Variants in ZZZ3 observed in about 807,000 individuals in gnomAD.
ZZZ3 encodes zinc finger ZZ-type containing 3.
ZZZ3 carries 22 observed loss-of-function variants against 95.2 expected under a neutral mutation model. The ratio of observed to expected loss-of-function variants is 0.23; its 90% confidence interval spans 0.17 to 0.33. ZZZ3 has a LOEUF of 0.33. Among genes scored for constraint, ZZZ3 ranks in the 10% least tolerant of loss-of-function variants. The probability of loss-of-function intolerance (pLI) is 1.00; values close to 1 mark genes in which losing one functional copy is unlikely to be tolerated. For synonymous variants in ZZZ3, 335 were observed against 358.9 expected (o/e 0.93, Z 0.75); for missense variants, 885 against 1,066.5 (o/e 0.83, Z 2.37).
intron 1 of ZZZ3, among the ~76,000 whole-genome samples, chr1:77,666,549 A>T (rs1013998998): frequency 6.6e-6 from 1 of 152,170 alleles, no homozygotes; most frequent in African/African-American, 2.4e-5. Context: ...AATAATAATA[A>T]TATAAATACT....
At position 77,581,904 on chromosome 1, in the gene ZZZ3, A is replaced by G; in HGVS notation, c.1793-13T>C. On this transcript the variant is annotated splice_polypyrimidine_tract_variant and intron_variant, in intron 7 of 14. Transcript: ENST00000370801. ...GCAGGTAAACCTACTGAAAAATAAG[A>G]CCACATACAGAACTGTTAAAGCAAA... 6.2e-7 allele frequency: 1 copy of G among 1,610,208 alleles called. No homozygotes were observed. The highest frequency in any genetic ancestry group is 8.5e-7 in the Non-Finnish European group (1 of 1,176,898).
intron 1 of ZZZ3, among the ~76,000 whole-genome samples, chr1:77,655,983 T>C (rs1477307834): frequency 1.3e-5 from 2 of 152,214 alleles, no homozygotes. Context: ...TATGTACTTA[T>C]CATTAAGACA....
intron 5 of ZZZ3, among the ~76,000 whole-genome samples, chr1:77,628,165 TAAGTA>T (rs1667487450): frequency 1.3e-5 from 2 of 152,298 alleles, no homozygotes; most frequent in South Asian, 4.1e-4. Context: ...CAATCACAGT[TAAGTA>T]AATAATCTCA....
chr1:77,666,345 C>A (rs748496915), intron 1 of ZZZ3, among the ~76,000 whole-genome samples: 1 of 152,104 alleles, frequency 6.6e-6, no homozygotes, highest in South Asian at 2.1e-4. Flanking sequence ...GCCTGTTCAC[C>A]AACACAGTGA....
intron 1 of ZZZ3, among the ~76,000 whole-genome samples, chr1:77,656,329 T>C (rs1670263545): frequency 6.6e-6 from 1 of 152,224 alleles, no homozygotes; most frequent in South Asian, 2.1e-4. Context: ...TTATTTAATG[T>C]CAATTTTTTT....
intron 5 of ZZZ3, among the ~76,000 whole-genome samples, chr1:77,603,619 C>T (rs915735844): frequency 9.9e-5 from 15 of 152,158 alleles, no homozygotes; most frequent in African/African-American, 3.1e-4. Context: ...ATCCGGGTGC[C>T]CATTTCCTGT....
intron 11 of ZZZ3, among the ~76,000 whole-genome samples, chr1:77,577,768 G>C (rs911967668): frequency 6.6e-6 from 1 of 152,162 alleles, no homozygotes. Flanking sequence ...CTGCAGGTGC[G>C]TGCCACCACA....
At chr1:77,630,936 A>T (rs143926385) in intron 5 of ZZZ3, among the ~76,000 whole-genome samples, 6 of 152,346 alleles carry the variant, frequency 3.9e-5, no homozygotes, top group Admixed American at 3.3e-4. Context: ...TCTGGTTGTG[A>T]TATTAATTCA....
chr1:77,599,386 A>G (rs1378465148), intron 5 of ZZZ3, among the ~76,000 whole-genome samples: 1 of 152,054 alleles, frequency 6.6e-6, no homozygotes, highest in African/African-American at 2.4e-5. Flanking sequence ...ATATGTAATC[A>G]TACTTATACT....
intron 1 of ZZZ3, among the ~76,000 whole-genome samples, chr1:77,668,252 C>T (rs1671428872): frequency 6.6e-6 from 1 of 152,124 alleles, no homozygotes; most frequent in African/African-American, 2.4e-5. Flanking sequence ...TTACCAGTTT[C>T]TTTTCTGAAC....
At chr1:77,585,930 A>C (rs1663039992) in intron 5 of ZZZ3, among the ~76,000 whole-genome samples, 1 of 152,186 alleles carries the variant, frequency 6.6e-6, no homozygotes, top group Non-Finnish European at 1.5e-5. Context: ...TCCTTGATGA[A>C]ATTTTTAATA....
At chr1:77,607,719 C>T (rs905491526) in intron 5 of ZZZ3, among the ~76,000 whole-genome samples, 31 of 152,048 alleles carry the variant, frequency 2.0e-4, no homozygotes, top group South Asian at 8.3e-4. Flanking sequence ...GTCAGGAGTT[C>T]GAGACCAGCC....
intron 11 of ZZZ3, among the ~76,000 whole-genome samples, chr1:77,577,961 A>T (rs1478952600): frequency 6.6e-6 from 1 of 152,170 alleles, no homozygotes; most frequent in Non-Finnish European, 1.5e-5. Flanking sequence ...TTGGGAAAGA[A>T]ACAGTAGCTT....
intron 5 of ZZZ3, among the ~76,000 whole-genome samples, chr1:77,626,732 G>T (rs1444964878): frequency 6.6e-6 from 1 of 152,144 alleles, no homozygotes; most frequent in Non-Finnish European, 1.5e-5. Context: ...CTTTTCTGGT[G>T]AGTTGAGAAG....
At chr1:77,577,095 G>T (rs1662036378) in intron 11 of ZZZ3, among the ~76,000 whole-genome samples, 1 of 152,172 alleles carries the variant, frequency 6.6e-6, no homozygotes, top group Non-Finnish European at 1.5e-5. Context: ...CAGCCTGCCT[G>T]TCTTGATCAA....
At chr1:77,662,184 T>C (rs990707805) in intron 1 of ZZZ3, among the ~76,000 whole-genome samples, 1 of 152,028 alleles carries the variant, frequency 6.6e-6, no homozygotes, top group African/African-American at 2.4e-5. Context: ...CGGCTAATTT[T>C]TGTACTGTTA....
chr1:77,639,918 C>G (rs926279286), intron 3 of ZZZ3, among the ~76,000 whole-genome samples: 138 of 140,438 alleles, frequency 9.8e-4, no homozygotes, highest in African/African-American at 3.5e-3. Context: ...TTTTTTTTTG[C>G]GGTGATAAAG....
At chr1:77,570,325 G>A (rs1020391440) in intron 12 of ZZZ3, among the ~76,000 whole-genome samples, 3 of 152,178 alleles carry the variant, frequency 2.0e-5, no homozygotes, top group East Asian at 1.9e-4. Flanking sequence ...GGATGGTCTC[G>A]ATCTCCTGAC....
intron 4 of ZZZ3, among the ~76,000 whole-genome samples, chr1:77,637,235 CTAAT>C (rs1466012052): frequency 6.6e-6 from 1 of 151,760 alleles, no homozygotes; most frequent in East Asian, 1.9e-4. Flanking sequence ...TTACTGGATC[CTAAT>C]AATAAAAAAA....
Sources: gnomAD v4.1 joint callset for allele counts (sites outside exome capture counted in the v4.1 genomes callset) on GRCh38, gnomAD v4.1.1 for gene constraint, MANE v1.5 for transcripts, NCBI Gene and HGNC (gene_info 2026-07-23, HGNC 2026-07-21) for gene names.